The following PHKB variants were observed in gnomAD, a reference collection of about 807,000 sequenced individuals.
PHKB encodes phosphorylase kinase regulatory subunit beta.
PHKB carries 122 observed loss-of-function variants against 152.1 expected under a neutral mutation model. That is an observed-to-expected ratio of 0.80 (90% CI 0.69 to 0.93). PHKB has a LOEUF of 0.93. Among genes scored for constraint, PHKB ranks in the 40% least tolerant of loss-of-function variants. PHKB has a pLI of 0.00. For missense variants in PHKB, 1,304 were observed against 1,328.4 expected (o/e 0.98, Z 0.29); for synonymous variants, 436 against 464.9 (o/e 0.94, Z 0.80).
intron 5 of PHKB, 126 bp downstream of exon 5, chr16:47,511,898 G>C: frequency 1.4e-6 from 1 of 701,766 alleles, no homozygotes; most frequent in Non-Finnish European, 2.6e-6. Context: ...GTAGGGGCTA[G>C]ATGGTTTTGG....
intron 16 of PHKB, among the ~76,000 whole-genome samples, chr16:47,646,292 A>G (rs1973118076): frequency 1.1e-5 from 1 of 91,886 alleles, no homozygotes; most frequent in African/African-American, 4.4e-5. Context: ...AGAAAACCAA[A>G]CACCGCATAT....
rs767304034 is a variant in PHKB at position 47,701,224 on chromosome 16, G to C, written c.*1858G>C. 1.1e-4 allele frequency: 17 copies of C among 152,156 alleles called. No homozygotes were observed. The highest frequency in any genetic ancestry group is 2.2e-4 in the Non-Finnish European group (15 of 68,020). The allele number at this position is 152,156 out of a possible 1,614,324, so 9.4% of individuals were successfully genotyped here. Reference sequence around the variant, plus strand: ...AAAAGACTTAAAATTTTTGTTTGCCGAAATTTTTACGAAAGTAAACTGTGT... The same window carrying C: ...AAAAGACTTAAAATTTTTGTTTGCCCAAATTTTTACGAAAGTAAACTGTGT... On this transcript the variant is annotated 3_prime_UTR_variant, in exon 31 of 31. Transcript: ENST00000323584.
At chr16:47,471,122 C>A (rs1969759948) in intron 1 of PHKB, among the ~76,000 whole-genome samples, 1 of 152,170 alleles carries the variant, frequency 6.6e-6, no homozygotes, top group Middle Eastern at 3.2e-3. Flanking sequence ...GAAGTAGGGA[C>A]TTCAAGGAAA....
rs1164362672 is a variant in PHKB, at chr16:47,468,847, A to AGGCTCTCTCTAATAGCTATTTT, written c.76+7422_76+7443dup. Among the ~76,000 whole-genome samples, 6 of 152,110 alleles carry AGGCTCTCTCTAATAGCTATTTT rather than the reference A, an allele frequency of 3.9e-5. No homozygotes were observed. In the East Asian group the frequency reaches 1.2e-3, roughly 29 times the overall value. On this transcript the variant is annotated intron_variant, in intron 1 of 30. Coordinates refer to ENST00000323584, the MANE Select transcript of PHKB (RefSeq NM_000293.3). Reference sequence around the variant, plus strand: ...TTTAGGCTCTGTAGTATAGCTTTTTAGGCTCTCTCTAATAGCTATTTTATC... The same window carrying AGGCTCTCTCTAATAGCTATTTT: ...TTTAGGCTCTGTAGTATAGCTTTTTAGGCTCTCTCTAATAGCTATTTTGGCTCTCTCTAATAGCTATTTTATC...
rs111351424 is a variant in PHKB at position 47,547,766 on chromosome 16, C to T, written c.710+218C>T. On this transcript the variant is annotated intron_variant, in intron 7 of 30. Coordinates refer to ENST00000323584, the MANE Select transcript of PHKB (RefSeq NM_000293.3). ...GCAAGAAAGAAGTAGGTGTCTTTCC[C>T]AACCTCCCAAGGTGTCAGTACATGC... 2.9e-3 allele frequency: 1,460 copies of T among 505,576 alleles called. 23 individuals carry two copies. The highest frequency in any genetic ancestry group is 0.026 in the African/African-American group (1,332 of 51,588). The allele number at this position is 505,576 out of a possible 1,614,324, so 31.3% of individuals were successfully genotyped here.
chr16:47,479,354 T>G (rs1436608046), intron 1 of PHKB, among the ~76,000 whole-genome samples: 1 of 152,200 alleles, frequency 6.6e-6, no homozygotes. Flanking sequence ...TTCTAGGGAT[T>G]GTAGAGCTAG....
intron 17 of PHKB, 34 bp downstream of exon 17, chr16:47,648,650 G>GA: frequency 7.3e-7 from 1 of 1,377,440 alleles, no homozygotes; most frequent in Non-Finnish European, 1.0e-6. Flanking sequence ...AGTAGTTTTT[G>GA]GATTCTAATA....
At chr16:47,677,395 A>G (rs753654963) in intron 26 of PHKB, among the ~76,000 whole-genome samples, 20 of 152,338 alleles carry the variant, frequency 1.3e-4, no homozygotes, top group Non-Finnish European at 2.2e-4. Context: ...GGCTTCCATA[A>G]CAAAACGCCA....
chr16:47,659,156 GGC>G (rs1472617266), intron 20 of PHKB, among the ~76,000 whole-genome samples: 1 of 151,910 alleles, frequency 6.6e-6, no homozygotes, highest in Non-Finnish European at 1.5e-5. Context: ...CTGCATATTC[GGC>G]CTTTCTCACT....
intron 25 of PHKB, chr16:47,665,293 G>A: frequency 3.2e-6 from 1 of 317,434 alleles, no homozygotes; most frequent in South Asian, 3.1e-5. Flanking sequence ...TACTTTTGAG[G>A]GAAAAAAATT....
chr16:47,540,670 G>A (rs991186009), intron 6 of PHKB, among the ~76,000 whole-genome samples: 1 of 151,454 alleles, frequency 6.6e-6, no homozygotes, highest in Non-Finnish European at 1.5e-5. Context: ...TATTGGGGAC[G>A]GGTTCCCCCA....
At chr16:47,489,336 G>A (rs143851572) in intron 1 of PHKB, among the ~76,000 whole-genome samples, 2 of 152,304 alleles carry the variant, frequency 1.3e-5, no homozygotes, top group East Asian at 3.9e-4. Flanking sequence ...TGTGTGATAT[G>A]TTTTGAAACA....
At chr16:47,463,963 G>T in intron 1 of PHKB, 1 of 1,613,716 alleles carries the variant, frequency 6.2e-7, no homozygotes, top group Non-Finnish European at 8.5e-7. Context: ...TGATGCAGTC[G>T]TCTCTCCGTC....
At chr16:47,650,974 T>C (rs1182412083) in intron 20 of PHKB, 53 bp downstream of exon 20, 1 of 1,197,538 alleles carries the variant, frequency 8.4e-7, no homozygotes, top group African/African-American at 1.5e-5. Flanking sequence ...TAATCTACAA[T>C]ACAGCTATGT....
At chr16:47,546,591 T>C (rs1227531504) in intron 6 of PHKB, among the ~76,000 whole-genome samples, 1 of 152,220 alleles carries the variant, frequency 6.6e-6, no homozygotes, top group African/African-American at 2.4e-5. Flanking sequence ...GCAGTTTGTC[T>C]GTTCTTAGAG....
intron 1 of PHKB, chr16:47,463,566 C>T (rs1969613646): frequency 4.2e-6 from 1 of 235,308 alleles, no homozygotes; most frequent in Non-Finnish European, 8.5e-6. Flanking sequence ...ACTTGACTAA[C>T]CTGACTCCAG....
chr16:47,537,064 T>C (rs1970965003), intron 6 of PHKB, among the ~76,000 whole-genome samples: 1 of 152,232 alleles, frequency 6.6e-6, no homozygotes, highest in Admixed American at 6.5e-5. Context: ...TATAGAGGAT[T>C]TGAATGTCAA....
intron 13 of PHKB, among the ~76,000 whole-genome samples, chr16:47,601,144 G>A (rs1972217909): frequency 6.6e-6 from 1 of 152,170 alleles, no homozygotes; most frequent in Non-Finnish European, 1.5e-5. Flanking sequence ...CTGAGCCCTG[G>A]AGGTCAAGGT....
intron 7 of PHKB, among the ~76,000 whole-genome samples, chr16:47,579,213 T>C (rs966105851): frequency 1.3e-5 from 2 of 152,220 alleles, no homozygotes; most frequent in African/African-American, 4.8e-5. Flanking sequence ...TTAAAATAAG[T>C]GTCTGACCTA....
Sources: allele counts gnomAD v4.1 joint callset (sites outside exome capture counted in the v4.1 genomes callset), GRCh38; gene constraint gnomAD v4.1.1; transcripts MANE v1.5; gene names NCBI Gene and HGNC (gene_info 2026-07-23, HGNC 2026-07-21).